The following RGL1 variants were observed in gnomAD, a reference collection of about 807,000 sequenced individuals.
RGL1 encodes the protein ral guanine nucleotide dissociation stimulator-like 1.
In RGL1, 24 loss-of-function variants were observed where a neutral mutation model predicts 95.2. That is an observed-to-expected ratio of 0.25 (90% confidence interval 0.18 to 0.35). The LOEUF (loss-of-function observed/expected upper bound fraction) is 0.35. Among genes scored for constraint, RGL1 ranks in the 10% least tolerant of loss-of-function variants. The pLI, the probability that RGL1 is intolerant of heterozygous loss-of-function variation, is 1.00. For missense variants in RGL1, 715 were observed against 936.3 expected, an observed-to-expected ratio of 0.76 and a Z score of 3.08; for synonymous variants, 329 against 344.9, an observed-to-expected ratio of 0.95 and a Z score of 0.51.
chr1:183,783,904 T>C (rs1445607897), intron 2 of RGL1, among the ~76,000 whole-genome samples: 1 of 152,128 alleles, frequency 6.6e-6, no homozygotes, highest in South Asian at 2.1e-4. Context: ...GGTGTGGAGT[T>C]GTCAGGAATA....
intron 2 of RGL1, among the ~76,000 whole-genome samples, chr1:183,772,736 G>A (rs1312899841): frequency 6.6e-6 from 1 of 152,038 alleles, no homozygotes; most frequent in Non-Finnish European, 1.5e-5. Context: ...TGGGCCGGGC[G>A]CGGTGGCTCA....
chr1:183,737,202 A>G (rs1332690465), intron 1 of RGL1, among the ~76,000 whole-genome samples: 1 of 152,216 alleles, frequency 6.6e-6, no homozygotes, highest in East Asian at 1.9e-4. Context: ...GCAAGAACAG[A>G]CACTAATAAT....
chr1:183,642,137 G>T (rs1347325652), intron 1 of RGL1, among the ~76,000 whole-genome samples: 1 of 152,126 alleles, frequency 6.6e-6, no homozygotes, highest in Non-Finnish European at 1.5e-5. Flanking sequence ...TCATAGGTTT[G>T]ATAAAATTTG....
At chr1:183,871,106 A>G (rs79259149) in intron 4 of RGL1, among the ~76,000 whole-genome samples, 5,189 of 152,342 alleles carry the variant, frequency 0.034, 117 homozygotes, top group Non-Finnish European at 0.051. Flanking sequence ...CTTTCTCTCA[A>G]AAAATGAATA....
chr1:183,786,329 A>G (rs1558206372), intron 2 of RGL1, among the ~76,000 whole-genome samples: 1 of 152,202 alleles, frequency 6.6e-6, no homozygotes, highest in Non-Finnish European at 1.5e-5. Context: ...TTTTGAGTCC[A>G]GGAATTTGAG....
At position 183,773,109 on chromosome 1, in the gene RGL1, C is replaced by G. The variant is rs113518188; in HGVS notation, c.132+30820C>G. Among the ~76,000 whole-genome samples the G allele has an allele frequency of 6.4e-3, 972 of 151,330 alleles. 14 individuals carry two copies. The highest frequency in any genetic ancestry group is 0.023 in the African/African-American group (943 of 41,164). On this transcript the variant is annotated intron_variant, in intron 2 of 18. Coordinates refer to the RGL1 transcript ENST00000304685. ...TACATTATATTGTTCTCTCACAACA[C>G]CTAGCTCTTACTCATCCTTCAGACT...
At chr1:183,788,107 C>G (rs138382872) in intron 2 of RGL1, among the ~76,000 whole-genome samples, 199 of 152,300 alleles carry the variant, frequency 1.3e-3, no homozygotes, top group African/African-American at 4.6e-3. Flanking sequence ...TGTTCATTCC[C>G]TTGTTTGTCT....
At chr1:183,821,318 G>A (rs542854683) in intron 2 of RGL1, among the ~76,000 whole-genome samples, 1 of 152,126 alleles carries the variant, frequency 6.6e-6, no homozygotes, top group East Asian at 1.9e-4. Flanking sequence ...TCAGTTAGGT[G>A]GGCTAAAAAT....
In RGL1 at chr1:183,927,971, T is replaced by C. The variant is rs192104107; in HGVS notation, c.*1679T>C. 4.3e-4 allele frequency: 66 copies of C among 152,710 alleles called. No homozygotes were observed. The highest frequency in any genetic ancestry group is 1.5e-3 in the African/African-American group (64 of 41,556). The allele number at this position is 152,710 out of a possible 1,614,324, so 9.5% of individuals were successfully genotyped here. ...GGGCCAGGAAGTCCTCCAATTTCCT[T>C]TGGTCTTTCCAGGAGATTGGACTAC... On this transcript the variant is annotated 3_prime_UTR_variant, in exon 18 of 18. Transcript: ENST00000360851.
At chr1:183,655,331 T>C (rs187276126) in intron 1 of RGL1, among the ~76,000 whole-genome samples, 99 of 152,346 alleles carry the variant, frequency 6.5e-4, no homozygotes, top group African/African-American at 1.8e-3. Flanking sequence ...TGGCAGGAAG[T>C]AAAATATTTA....
chr1:183,916,591 T>A lies in RGL1; in HGVS notation c.1894T>A (p.Ser632Thr), dbSNP rs1246559593. The A allele has an allele frequency of 3.1e-6, 5 of 1,613,188 alleles. No homozygotes were observed. The highest frequency in any genetic ancestry group is 4.2e-6 in the Non-Finnish European group (5 of 1,179,820). Residue 632 changes from serine to threonine, a missense_variant, in exon 16 of 18, where the codon TCC (serine) becomes ACC (threonine). This residue lies in a region of RGL1 where 330 missense variants were observed against 429.6 expected (regional missense o/e 0.77). Coordinates refer to ENST00000360851, the MANE Select transcript of RGL1 (RefSeq NM_001297671.3). ...CCACAAGCGCTCTGTCTCGGTGACG[T>A]CCATTACCTCGACTGTGCTGCCTCC... The part of the protein sequence containing the change: ...KIHKRSVSVT[S>T]ITSTVLPPVY...
At chr1:183,835,212 A>G (rs939418240) in intron 2 of RGL1, among the ~76,000 whole-genome samples, 2 of 129,370 alleles carry the variant, frequency 1.5e-5, no homozygotes, top group Admixed American at 7.8e-5. Context: ...AGGCCTTTCT[A>G]TATGCTACTT....
intron 13 of RGL1, among the ~76,000 whole-genome samples, chr1:183,906,519 T>C (rs1668329563): frequency 6.6e-6 from 1 of 152,152 alleles, no homozygotes; most frequent in South Asian, 2.1e-4. Context: ...TAATTGCCTA[T>C]GTCTGTTCAT....
chr1:183,836,312 G>A (rs564389375), intron 2 of RGL1, among the ~76,000 whole-genome samples: 3 of 151,994 alleles, frequency 2.0e-5, no homozygotes, highest in South Asian at 2.1e-4. Flanking sequence ...GTGCAATGGC[G>A]CGATCTCAGG....
At chr1:183,699,703 T>A (rs1185569890) in intron 1 of RGL1, among the ~76,000 whole-genome samples, 1 of 152,126 alleles carries the variant, frequency 6.6e-6, no homozygotes, top group African/African-American at 2.4e-5. Context: ...CTTTTAGCCC[T>A]GATTGGAATG....
chr1:183,650,055 C>G (rs1179321836), intron 1 of RGL1, among the ~76,000 whole-genome samples: 1 of 152,168 alleles, frequency 6.6e-6, no homozygotes, highest in Non-Finnish European at 1.5e-5. Context: ...TCAAGTGATC[C>G]TCCTACCTTG....
At chr1:183,831,365 G>A (rs535101610) in intron 2 of RGL1, among the ~76,000 whole-genome samples, 1 of 152,148 alleles carries the variant, frequency 6.6e-6, no homozygotes, top group East Asian at 1.9e-4. Context: ...GGCCTAGAGA[G>A]GGAAGGAGAT....
chr1:183,871,472 A>C (rs1666179229), intron 4 of RGL1, among the ~76,000 whole-genome samples: 1 of 152,170 alleles, frequency 6.6e-6, no homozygotes, highest in East Asian at 1.9e-4. Flanking sequence ...AGTTTTGCAG[A>C]CCTGGGTGGA....
chr1:183,682,940 GT>G (rs1284029939), intron 1 of RGL1, among the ~76,000 whole-genome samples: 3 of 150,816 alleles, frequency 2.0e-5, no homozygotes, highest in African/African-American at 7.3e-5. Context: ...CTTTGTCTTT[GT>G]TGATCTTTGT....
Sources: gnomAD v4.1 joint callset for allele counts (sites outside exome capture counted in the v4.1 genomes callset) on GRCh38, gnomAD v4.1.1 for gene constraint, gnomAD v4.1.1 regional missense constraint, MANE v1.5 for transcripts, NCBI Gene and HGNC (gene_info 2026-07-23, HGNC 2026-07-21) for gene names.